FRAS1: variants seen among roughly 807,000 people sequenced by gnomAD.
FRAS1 encodes Fraser extracellular matrix complex subunit 1, also known as extracellular matrix organizing protein FRAS1.
In FRAS1, 290 loss-of-function variants were observed where a neutral mutation model predicts 435.2. That is an observed-to-expected ratio of 0.67 (90% CI 0.61 to 0.73). FRAS1 has a LOEUF of 0.73. Among genes scored for constraint, FRAS1 ranks in the 30% least tolerant of loss-of-function variants. The pLI is 0.00. For synonymous variants in FRAS1, 1,800 were observed against 1,851.0 expected (o/e 0.97, Z 0.71); for missense variants, 4,860 against 5,001.5 (o/e 0.97, Z 0.85).
At chr4:78,423,067 A>C (rs189315024) in intron 34 of FRAS1, among the ~76,000 whole-genome samples, 46 of 152,260 alleles carry the variant, frequency 3.0e-4, no homozygotes, top group Middle Eastern at 6.8e-3. Flanking sequence ...TCCAGTCATC[A>C]AGGTTGCTGA....
intron 2 of FRAS1, among the ~76,000 whole-genome samples, chr4:78,218,098 T>TCTCACACACACACA (rs368430185): frequency 0.011 from 450 of 39,732 alleles, 21 homozygotes; most frequent in Non-Finnish European, 0.018. Flanking sequence ...TCACTCTCTC[T>TCTCACACACACACA]CACACACACA....
At chr4:78,387,726 G>T (rs758049754) in intron 29 of FRAS1, 25 bp downstream of exon 29, 9 of 1,435,496 alleles carry the variant, frequency 6.3e-6, no homozygotes, top group Non-Finnish European at 8.4e-6. Context: ...TAGAGTTACA[G>T]TTTCTTTGCA....
In FRAS1 at chr4:78,479,492, G is replaced by A. The variant is rs917598012; in HGVS notation, c.8217G>A (p.Ala2739=). ...SDFKSRGMSA[A]SRVIFGPGVT... ...TTAAATCTAGAGGGATGTCTGCCGC[G>A]AGTCGTGTGATATTCGGGCCTGGTG... Residue 2739 remains alanine (A), a synonymous_variant, in exon 56 of 74, where the codon GCG becomes GCA. Transcript: ENST00000512123. 34 of 1,612,412 alleles carry A rather than the reference G, an allele frequency of 2.1e-5. No individual in the cohort carries two copies. The highest frequency in any genetic ancestry group is 2.5e-5 in the Non-Finnish European group (29 of 1,178,864).
chr4:78,293,299 G>A (rs558888371), intron 14 of FRAS1, among the ~76,000 whole-genome samples: 1 of 152,304 alleles, frequency 6.6e-6, no homozygotes, highest in African/African-American at 2.4e-5. Flanking sequence ...TTCACATGGT[G>A]CTAAGTATAT....
At chr4:78,084,186 T>C (rs1229796014) in intron 2 of FRAS1, among the ~76,000 whole-genome samples, 1 of 152,112 alleles carries the variant, frequency 6.6e-6, no homozygotes, top group East Asian at 1.9e-4. Flanking sequence ...CAATCAAATA[T>C]TTTTTTGGGG....
At chr4:78,417,998 G>A (rs1223990272) in intron 32 of FRAS1, among the ~76,000 whole-genome samples, 1 of 152,210 alleles carries the variant, frequency 6.6e-6, no homozygotes, top group Non-Finnish European at 1.5e-5. Context: ...TGTTTTTGCT[G>A]CTGTCCCCAA....
At chr4:78,077,998 T>C (rs28470813) in intron 2 of FRAS1, among the ~76,000 whole-genome samples, 244 of 151,894 alleles carry the variant, frequency 1.6e-3, no homozygotes, top group African/African-American at 5.8e-3. Context: ...TAATACTAAA[T>C]ATTAGATGAG....
chr4:78,178,975 A>T (rs116496903), intron 2 of FRAS1, among the ~76,000 whole-genome samples: 1,721 of 152,314 alleles, frequency 0.011, 32 homozygotes, highest in Non-Finnish European at 0.012. Context: ...AGCGAAGGGC[A>T]GCCATGACTA....
chr4:78,284,138 C>T (rs1727461634), intron 12 of FRAS1, among the ~76,000 whole-genome samples: 1 of 150,106 alleles, frequency 6.7e-6, no homozygotes. Flanking sequence ...CAGGTAGAGG[C>T]TGTTCTTTTA....
chr4:78,404,341 G>A (rs1733019279), intron 30 of FRAS1, among the ~76,000 whole-genome samples: 1 of 151,554 alleles, frequency 6.6e-6, no homozygotes, highest in South Asian at 2.1e-4. Context: ...TTTAAACTTG[G>A]GTTTTCATGT....
At chr4:78,114,613 G>T (rs1488648830) in intron 2 of FRAS1, among the ~76,000 whole-genome samples, 2 of 151,650 alleles carry the variant, frequency 1.3e-5, no homozygotes, top group African/African-American at 4.8e-5. Flanking sequence ...GTTCACTCAT[G>T]ATTTGGCTCT....
chr4:78,219,375 CAA>C, intron 2 of FRAS1, among the ~76,000 whole-genome samples: 1 of 152,062 alleles, frequency 6.6e-6, no homozygotes, highest in East Asian at 1.9e-4. Flanking sequence ...TTTAAGACAA[CAA>C]AAAATGTATT....
At chr4:78,518,204 T>G (rs1029800552) in intron 66 of FRAS1, among the ~76,000 whole-genome samples, 3 of 152,002 alleles carry the variant, frequency 2.0e-5, no homozygotes, top group African/African-American at 7.3e-5. Flanking sequence ...TAGTTGAGTC[T>G]TTTGAGAAAG....
intron 9 of FRAS1, among the ~76,000 whole-genome samples, chr4:78,277,336 C>T (rs531586390): frequency 2.6e-5 from 4 of 152,114 alleles, no homozygotes; most frequent in East Asian, 3.9e-4. Context: ...ACCCACTGTC[C>T]GACAAGCCCC....
intron 2 of FRAS1, among the ~76,000 whole-genome samples, chr4:78,194,065 G>A (rs1458831837): frequency 5.3e-5 from 8 of 151,908 alleles, no homozygotes; most frequent in African/African-American, 9.7e-5. Flanking sequence ...TTCTGGGTTG[G>A]AAATTCTTTT....
intron 2 of FRAS1, among the ~76,000 whole-genome samples, chr4:78,113,093 T>C (rs985975014): frequency 6.6e-6 from 1 of 152,204 alleles, no homozygotes; most frequent in African/African-American, 2.4e-5. Context: ...TTTTTCATCC[T>C]TGCGATAGTT....
chr4:78,085,653 A>G (rs572126308), intron 2 of FRAS1, among the ~76,000 whole-genome samples: 13 of 152,046 alleles, frequency 8.6e-5, no homozygotes, highest in Non-Finnish European at 1.6e-4. Flanking sequence ...GGCTTGGTTA[A>G]TAACAGTATG....
At chr4:78,174,258 G>C (rs1049868274) in intron 2 of FRAS1, among the ~76,000 whole-genome samples, 3 of 152,114 alleles carry the variant, frequency 2.0e-5, no homozygotes, top group African/African-American at 7.2e-5. Context: ...AGTCCACTTA[G>C]GTCACATAAA....
chr4:78,172,766 C>G (rs1721612236), intron 2 of FRAS1, among the ~76,000 whole-genome samples: 1 of 150,400 alleles, frequency 6.6e-6, no homozygotes, highest in Non-Finnish European at 1.5e-5. Flanking sequence ...TTTTTTTTTA[C>G]ATCACCTCTT....
Sources: allele counts gnomAD v4.1 joint callset (sites outside exome capture counted in the v4.1 genomes callset), GRCh38; gene constraint gnomAD v4.1.1; transcripts MANE v1.5; gene names NCBI Gene and HGNC (gene_info 2026-07-23, HGNC 2026-07-21).